The following CACNA1A variants were observed in gnomAD, a reference collection of about 807,000 sequenced individuals.
The protein encoded by CACNA1A is voltage-dependent P/Q-type calcium channel subunit alpha-1A.
Under a neutral mutation model 262.4 loss-of-function variants are expected in CACNA1A, and 57 were observed. That is an observed-to-expected ratio of 0.22 (90% CI 0.18 to 0.27). The LOEUF is 0.27. CACNA1A is among the 10% of genes least tolerant of loss of function. The pLI, the probability that CACNA1A is intolerant of heterozygous loss-of-function variation, is 1.00. For missense variants in CACNA1A, 2,526 were observed against 3,562.8 expected, an observed-to-expected ratio of 0.71 and a Z score of 7.41; for synonymous variants, 1,431 against 1,419.3, an observed-to-expected ratio of 1.01 and a Z score of -0.18.
chr19:13,402,769 C>A (rs111612867), intron 3 of CACNA1A, among the ~76,000 whole-genome samples: 1 of 126,204 alleles, frequency 7.9e-6, no homozygotes, highest in Non-Finnish European at 1.6e-5. Flanking sequence ...CATATATATA[C>A]ATATATATAC....
rs2058491242 is a variant in CACNA1A at position 13,332,910 on chromosome 19, G to A, written c.1214C>T (p.Ala405Val). 2 of 1,612,148 alleles carry A rather than the reference G, an allele frequency of 1.2e-6. No homozygotes were observed. The highest frequency in any genetic ancestry group is 2.7e-5 in the African/African-American group (2 of 74,994). ...CTGCTCCCCGTCAGTTTCATCCTCGGCGAGGATCACCTCTTCTGAAGAGGA... is the reference window on the plus strand; with the variant it reads ...CTGCTCCCCGTCAGTTTCATCCTCGACGAGGATCACCTCTTCTGAAGAGGA... Reference protein sequence around the residue: ...WISKAEEVILAEDETDGEQRH... With the variant: ...WISKAEEVILVEDETDGEQRH... The change falls in exon 9 of 47, where the codon GCC becomes GTC. Residue 405 changes from alanine (A) to valine (V), a missense_variant. Physicochemically the swap from Ala to Val is moderately conservative, Grantham distance 64 (BLOSUM62 0). Coordinates refer to ENST00000360228, the MANE Select transcript of CACNA1A (RefSeq NM_001127222.2).
At chr19:13,355,715 T>C (rs367671957) in intron 6 of CACNA1A, among the ~76,000 whole-genome samples, 1 of 152,128 alleles carries the variant, frequency 6.6e-6, no homozygotes, top group African/African-American at 2.4e-5. Context: ...GATTGCAGTA[T>C]AAGGCATCCC....
At chr19:13,332,795 C>T in intron 9 of CACNA1A, 74 bp downstream of exon 9, 1 of 942,860 alleles carries the variant, frequency 1.1e-6, no homozygotes, top group Non-Finnish European at 1.7e-6. Flanking sequence ...GTCACCTGCT[C>T]TCCCCCGACT....
chr19:13,211,641 C>T (rs1361809956), intron 43 of CACNA1A: 2 of 188,022 alleles, frequency 1.1e-5, no homozygotes, highest in East Asian at 1.4e-4. Flanking sequence ...TATATGCCCA[C>T]GTGCACACAC....
In CACNA1A at chr19:13,497,570, AT is replaced by A. The variant is rs1200652468; in HGVS notation, c.293+8361del. Among the ~76,000 whole-genome samples the A allele has an allele frequency of 7.9e-3, 291 of 36,958 alleles. 62 individuals are homozygous for A. Among genetic ancestry groups the A allele is most frequent in the South Asian group, 9.8e-3 (7 of 716 alleles). The allele number at this position is 36,958 out of a possible 152,430, so 24.2% of individuals were successfully genotyped here. On this transcript the variant is annotated intron_variant, in intron 1 of 46. Coordinates refer to ENST00000360228, the MANE Select transcript of CACNA1A (RefSeq NM_001127222.2). ...TATATATATATATATATATATATAT[AT>A]ATATATATAAATTTATGTTGTTAAA...
chr19:13,440,116 C>T (rs2060689328), intron 3 of CACNA1A, among the ~76,000 whole-genome samples: 1 of 152,114 alleles, frequency 6.6e-6, no homozygotes. Context: ...TGTGCTACCA[C>T]CCCCAGCTAA....
rs1043125830 is a variant in CACNA1A, at chr19:13,469,544, G to A, written c.294-14332C>T. On this transcript the variant is annotated intron_variant, in intron 1 of 46. Transcript: ENST00000360228. ...GGAGTACAGCAGCTCCGCCTCCCGGGTTCACGCCATTCTCCTGCCTCAGGC... is the reference window on the plus strand; with the variant it reads ...GGAGTACAGCAGCTCCGCCTCCCGGATTCACGCCATTCTCCTGCCTCAGGC... 3.6e-5 allele frequency among the ~76,000 whole-genome samples: 5 copies of A among 139,708 alleles called. No individual in the cohort carries two copies. In the Admixed American group the frequency reaches 3.9e-4, roughly 11 times the overall value. 91.7% of individuals were successfully genotyped at this position (139,708 alleles called of 152,430 possible).
intron 3 of CACNA1A, among the ~76,000 whole-genome samples, chr19:13,422,757 T>G (rs566469019): frequency 3.3e-5 from 5 of 152,274 alleles, no homozygotes. Context: ...TGAGCCCCAA[T>G]AAAAACCCTG....
chr19:13,499,452 G>GT lies in CACNA1A; in HGVS notation c.293+6479_293+6480insA, dbSNP rs905853883. On this transcript the variant is annotated intron_variant, in intron 1 of 46. Transcript: ENST00000360228. ...CACTGACCAGTCGCAGGGGGTGGTG[G>GT]GGGGGGGCACTTCGCTCCCATTCCC... 3.2e-4 allele frequency among the ~76,000 whole-genome samples: 38 copies of GT among 118,906 alleles called. 2 individuals carry two copies. Among genetic ancestry groups the GT allele is most frequent in the Admixed American group, 7.2e-4 (6 of 8,330 alleles). 78.0% of individuals were successfully genotyped at this position (118,906 alleles called of 152,430 possible).
intron 1 of CACNA1A, among the ~76,000 whole-genome samples, chr19:13,492,540 G>A (rs1312132343): frequency 6.6e-6 from 1 of 152,138 alleles, no homozygotes; most frequent in African/African-American, 2.4e-5. Context: ...ATCTGTCCTA[G>A]GGAAACAGTG....
Position 13,227,510 on chromosome 19 carries a change from A to C in CACNA1A, c.5546T>G (p.Leu1849Arg), listed in dbSNP as rs1477178127. 1 of 1,592,574 alleles carries C rather than the reference A, an allele frequency of 6.3e-7. No homozygotes were observed. Among genetic ancestry groups the C allele is most frequent in the Non-Finnish European group, 8.6e-7 (1 of 1,168,094 alleles). The change falls in exon 37 of 47, where the codon CTG becomes CGG. Residue 1849 changes from leucine (L) to arginine (R), a missense_variant. Physicochemically the swap from Leu to Arg is moderately radical, Grantham distance 102. This residue lies in a region of CACNA1A where 112 missense variants were observed against 197.2 expected (regional missense o/e 0.57). Coordinates refer to ENST00000360228, the MANE Select transcript of CACNA1A (RefSeq NM_001127222.2). ...DPAAWGRMPY[L>R]DMYQMLRHMS... ...GTGTCTCAGCATCTGATACATGTCC[A>C]GGTAAGGCATGCGGCCCCTGGCAGC...
intron 3 of CACNA1A, chr19:13,451,886 C>G (rs763071202): frequency 6.6e-6 from 1 of 152,102 alleles, no homozygotes; most frequent in Non-Finnish European, 1.5e-5. Flanking sequence ...GGGTCTTGCT[C>G]TGTTGCCCAG....
intron 10 of CACNA1A, among the ~76,000 whole-genome samples, chr19:13,326,177 G>T (rs189302023): frequency 7.2e-5 from 11 of 151,982 alleles, no homozygotes; most frequent in Admixed American, 4.6e-4. Context: ...TTGGCAGGGC[G>T]TGGTGGTGTG....
At chr19:13,352,260 A>G (rs1418439280) in intron 6 of CACNA1A, among the ~76,000 whole-genome samples, 1 of 152,146 alleles carries the variant, frequency 6.6e-6, no homozygotes, top group African/African-American at 2.4e-5. Flanking sequence ...ACAAAAAATT[A>G]GCTGACCATG....
At chr19:13,219,692 C>T (rs1359085990) in intron 38 of CACNA1A, among the ~76,000 whole-genome samples, 3 of 152,144 alleles carry the variant, frequency 2.0e-5, no homozygotes, top group African/African-American at 4.8e-5. Flanking sequence ...CGGTGGCTCA[C>T]GCCTGTAATC....
intron 19 of CACNA1A, among the ~76,000 whole-genome samples, chr19:13,288,646 G>A (rs2057462359): frequency 6.6e-6 from 1 of 152,072 alleles, no homozygotes; most frequent in African/African-American, 2.4e-5. Flanking sequence ...GCCTCTCCAA[G>A]CCATGGACAC....
chr19:13,356,727 A>G (rs2059012882), intron 6 of CACNA1A, among the ~76,000 whole-genome samples: 1 of 151,794 alleles, frequency 6.6e-6, no homozygotes, highest in African/African-American at 2.4e-5. Flanking sequence ...AGCCTTCTCC[A>G]TTTCCCAGTC....
intron 1 of CACNA1A, among the ~76,000 whole-genome samples, chr19:13,480,348 T>G (rs117341334): frequency 6.6e-6 from 1 of 152,226 alleles, no homozygotes. Flanking sequence ...TAATGAATAG[T>G]AAATATATTT....
chr19:13,213,448 A>T (rs1478994931), intron 40 of CACNA1A, among the ~76,000 whole-genome samples: 1 of 151,704 alleles, frequency 6.6e-6, no homozygotes, highest in Non-Finnish European at 1.5e-5. Flanking sequence ...CCCCCACGAC[A>T]CTTTCTTTCT....
Sources: allele counts gnomAD v4.1 joint callset (sites outside exome capture counted in the v4.1 genomes callset), GRCh38; gene constraint gnomAD v4.1.1; regional missense constraint gnomAD v4.1.1; transcripts MANE v1.5; gene names NCBI Gene and HGNC (gene_info 2026-07-23, HGNC 2026-07-21).